Variants in SLC44A1 observed in about 807,000 individuals in gnomAD.
SLC44A1 encodes the protein choline transporter-like protein 1.
In SLC44A1, 26 loss-of-function variants were observed where a neutral mutation model predicts 79.3. The ratio of observed to expected loss-of-function variants is 0.33; its 90% CI spans 0.24 to 0.46. The LOEUF (loss-of-function observed/expected upper bound fraction) is 0.46, where lower values mean the gene tolerates loss of function less well. Among genes scored for constraint, SLC44A1 ranks in the 20% least tolerant of loss-of-function variants. The pLI is 1.00. For missense variants in SLC44A1, 688 were observed against 798.1 expected (o/e 0.86, Z 1.66); for synonymous variants, 263 against 286.2 (o/e 0.92, Z 0.82).
At chr9:105,430,640 ATATAT>A (rs1187136913) in intron 15 of SLC44A1, among the ~76,000 whole-genome samples, 2 of 152,108 alleles carry the variant, frequency 1.3e-5, no homozygotes, top group South Asian at 2.1e-4. Context: ...CTGATGTGTG[ATATAT>A]TATATTTCGT....
intron 2 of SLC44A1, among the ~76,000 whole-genome samples, chr9:105,304,555 G>A (rs1302087554): frequency 1.3e-5 from 2 of 152,126 alleles, no homozygotes; most frequent in Admixed American, 6.5e-5. Context: ...CCAAACAGGT[G>A]TGAACTTCTC....
At chr9:105,387,479 G>A (rs1828663639) in intron 15 of SLC44A1, among the ~76,000 whole-genome samples, 1 of 152,096 alleles carries the variant, frequency 6.6e-6, no homozygotes, top group Non-Finnish European at 1.5e-5. Context: ...GAGGAGGGCA[G>A]CAGTGGAGAT....
chr9:105,393,822 T>C lies in SLC44A1; in HGVS notation c.*4766T>C. On this transcript the variant is annotated 3_prime_UTR_variant, in exon 16 of 16. Transcript: ENST00000374720. ...GCTATTCTTCAGTTTTGATGCTCAG[T>C]TTTACAACTTAAATGATTTTCTCCA... 1 of 984,992 alleles carries C rather than the reference T, an allele frequency of 1.0e-6. No homozygotes were observed. Among genetic ancestry groups the C allele is most frequent in the Non-Finnish European group, 1.2e-6 (1 of 829,524 alleles). 61.0% of individuals were successfully genotyped at this position (984,992 alleles called of 1,614,324 possible).
At chr9:105,387,060 A>AAAAAAAAATATATATATAT (rs34780893) in intron 15 of SLC44A1, among the ~76,000 whole-genome samples, 2 of 7,730 alleles carry the variant, frequency 2.6e-4, no homozygotes, top group African/African-American at 8.1e-4. Flanking sequence ...AAAAAAAAAA[A>AAAAAAAAATATATATATAT]ATATATATAT....
intron 1 of SLC44A1, among the ~76,000 whole-genome samples, chr9:105,247,891 A>C (rs6479303): frequency 0.057 from 8,702 of 152,250 alleles, 588 homozygotes; most frequent in African/African-American, 0.16. Flanking sequence ...GTCCTCTTCT[A>C]AACTCAAACC....
chr9:105,404,717 G>A (rs949144529), intron 15 of SLC44A1, among the ~76,000 whole-genome samples: 31 of 152,312 alleles, frequency 2.0e-4, no homozygotes, highest in African/African-American at 7.5e-4. Flanking sequence ...GATGCCTAAA[G>A]GAGACAGCAT....
At chr9:105,248,206 G>A (rs1032313208) in intron 1 of SLC44A1, among the ~76,000 whole-genome samples, 1 of 152,190 alleles carries the variant, frequency 6.6e-6, no homozygotes, top group African/African-American at 2.4e-5. Context: ...TAAATAAAGT[G>A]CATTTTCTTT....
chr9:105,356,136 C>A, intron 5 of SLC44A1, 76 bp from the exon 6 acceptor site: 2 of 1,144,712 alleles, frequency 1.7e-6, no homozygotes, highest in Non-Finnish European at 2.6e-6. Flanking sequence ...ATTCACCTTT[C>A]ATTTGTGTGT....
At chr9:105,304,475 A>G (rs1036394541) in intron 2 of SLC44A1, among the ~76,000 whole-genome samples, 1 of 152,198 alleles carries the variant, frequency 6.6e-6, no homozygotes, top group African/African-American at 2.4e-5. Flanking sequence ...ATTTTTAAGT[A>G]TGTAGTTCAG....
chr9:105,273,380 G>C (rs1320717054), intron 1 of SLC44A1, among the ~76,000 whole-genome samples: 1 of 152,162 alleles, frequency 6.6e-6, no homozygotes, highest in Non-Finnish European at 1.5e-5. Flanking sequence ...ATTAGAAGGG[G>C]GTGGATGTTA....
In SLC44A1 at chr9:105,361,270, G is replaced by C. The variant is rs549391485; in HGVS notation, c.840G>C (p.Gln280His). The change falls in exon 8 of 16, where the codon CAG (glutamine) becomes CAC (histidine). Residue 280 changes from glutamine to histidine, a missense_variant. Coordinates refer to ENST00000374720, the MANE Select transcript of SLC44A1 (RefSeq NM_080546.5). ...PKETVTPEQLQIAEDNLRALL... is the reference protein window; with the variant it reads ...PKETVTPEQLHIAEDNLRALL... ...AAACTGTTACTCCTGAGCAGCTTCA[G>C]ATAGCTGAAGACAATCTTCGGGCCC... 1.2e-6 allele frequency: 2 copies of C among 1,613,808 alleles called. No homozygotes were observed. The highest frequency in any genetic ancestry group is 2.7e-5 in the African/African-American group (2 of 74,922).
intron 10 of SLC44A1, among the ~76,000 whole-genome samples, chr9:105,365,084 C>T (rs1297718027): frequency 1.3e-5 from 2 of 152,134 alleles, no homozygotes; most frequent in Non-Finnish European, 2.9e-5. Context: ...AGTGTGAGTT[C>T]CCTTTGCTAA....
At chr9:105,275,270 G>A (rs1830172739) in intron 1 of SLC44A1, among the ~76,000 whole-genome samples, 1 of 152,116 alleles carries the variant, frequency 6.6e-6, no homozygotes, top group Non-Finnish European at 1.5e-5. Flanking sequence ...TTTGATTTTA[G>A]CTCTTTCATG....
intron 1 of SLC44A1, among the ~76,000 whole-genome samples, chr9:105,287,844 C>T (rs1056524231): frequency 6.6e-6 from 1 of 152,068 alleles, no homozygotes; most frequent in African/African-American, 2.4e-5. Context: ...ATACAGCTTT[C>T]TAAGGAAATT....
At chr9:105,254,434 G>C (rs1463840227) in intron 1 of SLC44A1, among the ~76,000 whole-genome samples, 1 of 152,206 alleles carries the variant, frequency 6.6e-6, no homozygotes, top group African/African-American at 2.4e-5. Flanking sequence ...AGTCAAGTGA[G>C]GGGCAGGGCA....
At chr9:105,383,062 G>GA in intron 13 of SLC44A1, 61 bp from the exon 14 acceptor site, 2 of 1,207,476 alleles carry the variant, frequency 1.7e-6, no homozygotes, top group Non-Finnish European at 2.4e-6. Flanking sequence ...TGCAAATGGT[G>GA]AAAAAAGAGT....
intron 12 of SLC44A1, among the ~76,000 whole-genome samples, chr9:105,372,766 C>T (rs76422062): frequency 0.12 from 14,461 of 123,222 alleles, 1,141 homozygotes; most frequent in East Asian, 0.21. Context: ...CCAGCTAAAA[C>T]GGTGAAACCC....
At chr9:105,408,330 A>G (rs1413985526) in intron 15 of SLC44A1, among the ~76,000 whole-genome samples, 2 of 152,220 alleles carry the variant, frequency 1.3e-5, no homozygotes, top group Non-Finnish European at 2.9e-5. Flanking sequence ...AATAAAAAAT[A>G]AAAACATCAG....
intron 15 of SLC44A1, among the ~76,000 whole-genome samples, chr9:105,416,917 T>C (rs1829178735): frequency 6.6e-6 from 1 of 152,226 alleles, no homozygotes; most frequent in South Asian, 2.1e-4. Context: ...ATTATATCTA[T>C]TAATTGAGAA....
Sources: allele counts gnomAD v4.1 joint callset (sites outside exome capture counted in the v4.1 genomes callset), GRCh38; gene constraint gnomAD v4.1.1; transcripts MANE v1.5; gene names NCBI Gene and HGNC (gene_info 2026-07-23, HGNC 2026-07-21).